The following WWOX variants were observed in gnomAD, a reference collection of about 807,000 sequenced individuals.
The protein encoded by WWOX is WW domain containing oxidoreductase, also known as WW domain-containing oxidoreductase.
WWOX carries 69 observed loss-of-function variants against 46.2 expected under a neutral mutation model. The observed-to-expected ratio is 1.49, with a 90% CI of 1.23 to 1.82. The LOEUF (loss-of-function observed/expected upper bound fraction) is 1.82, where lower values mean the gene tolerates loss of function less well. Ranked by LOEUF, WWOX falls within the 40% of genes most tolerant of loss-of-function variation. The pLI is 0.00. For synonymous variants in WWOX, 359 were observed against 202.6 expected (o/e 1.77, Z -6.56); for missense variants, 919 against 542.6 (o/e 1.69, Z -6.89).
intron 8 of WWOX, among the ~76,000 whole-genome samples, chr16:78,945,716 T>C (rs1169666959): frequency 6.6e-6 from 1 of 152,188 alleles, no homozygotes; most frequent in Non-Finnish European, 1.5e-5. Flanking sequence ...CTGCATTGTC[T>C]TGCTTCATTC....
chr16:78,699,068 C>A (rs1197321066), intron 8 of WWOX, among the ~76,000 whole-genome samples: 3 of 152,138 alleles, frequency 2.0e-5, no homozygotes, highest in Non-Finnish European at 4.4e-5. Context: ...GTGTGTGTTA[C>A]AACTGTTCAG....
At chr16:78,469,688 A>AC (rs1268786806) in intron 8 of WWOX, among the ~76,000 whole-genome samples, 1 of 152,162 alleles carries the variant, frequency 6.6e-6, no homozygotes, top group African/African-American at 2.4e-5. Context: ...TTCTGCTTAC[A>AC]CCATGGACAA....
intron 8 of WWOX, among the ~76,000 whole-genome samples, chr16:78,711,903 C>G (rs991190822): frequency 1.3e-5 from 2 of 152,094 alleles, no homozygotes; most frequent in Non-Finnish European, 2.9e-5. Context: ...TAAATTAATC[C>G]AAATTCAGAA....
chr16:78,750,132 T>C (rs2049441452), intron 8 of WWOX, among the ~76,000 whole-genome samples: 1 of 152,112 alleles, frequency 6.6e-6, no homozygotes, highest in Non-Finnish European at 1.5e-5. Context: ...GAAATGAAAA[T>C]AAAATAGTGA....
At chr16:79,101,191 C>G (rs529940164) in intron 8 of WWOX, 1 of 152,290 alleles carries the variant, frequency 6.6e-6, no homozygotes, top group East Asian at 1.9e-4. Flanking sequence ...GGACCTCATG[C>G]AAAGAGAGAT....
intron 8 of WWOX, among the ~76,000 whole-genome samples, chr16:78,555,168 T>TAA (rs10635594): frequency 0.43 from 55,018 of 128,168 alleles, 13,706 homozygotes; most frequent in Non-Finnish European, 0.54. Flanking sequence ...TATGATTTTG[T>TAA]AAAAAAAAAA....
chr16:78,503,203 A>G (rs1597177102), intron 8 of WWOX, among the ~76,000 whole-genome samples: 1 of 152,154 alleles, frequency 6.6e-6, no homozygotes, highest in South Asian at 2.1e-4. Flanking sequence ...GCTGCTTATC[A>G]GAGGTGCATG....
intron 8 of WWOX, among the ~76,000 whole-genome samples, chr16:79,137,274 A>G (rs1463626738): frequency 6.6e-6 from 1 of 152,244 alleles, no homozygotes; most frequent in Non-Finnish European, 1.5e-5. Flanking sequence ...CTTTTAGAAG[A>G]AAATGATGGT....
chr16:78,753,801 C>CAAAAAAAA (rs869066028), intron 8 of WWOX, among the ~76,000 whole-genome samples: 4 of 29,140 alleles, frequency 1.4e-4, no homozygotes, highest in African/African-American at 2.8e-4. Context: ...GACCCTATAT[C>CAAAAAAAA]AAAAAAAAAA....
chr16:78,905,533 C>T (rs1160834081), intron 8 of WWOX, among the ~76,000 whole-genome samples: 1 of 152,080 alleles, frequency 6.6e-6, no homozygotes, highest in African/African-American at 2.4e-5. Flanking sequence ...AGGCATGTTC[C>T]ACCACACCTA....
chr16:78,743,872 G>A (rs1225244699), intron 8 of WWOX, among the ~76,000 whole-genome samples: 3 of 152,068 alleles, frequency 2.0e-5, no homozygotes, highest in Admixed American at 1.3e-4. Context: ...ACCTCTATAG[G>A]GTATTTAAAC....
At chr16:78,735,944 C>A (rs2049081924) in intron 8 of WWOX, among the ~76,000 whole-genome samples, 1 of 152,030 alleles carries the variant, frequency 6.6e-6, no homozygotes, top group Non-Finnish European at 1.5e-5. Context: ...ATAGGTGGGC[C>A]TTCCCAATTT....
intron 8 of WWOX, among the ~76,000 whole-genome samples, chr16:78,970,159 A>C (rs1227596913): frequency 6.6e-6 from 1 of 152,134 alleles, no homozygotes; most frequent in Non-Finnish European, 1.5e-5. Context: ...TGGGCCTGTC[A>C]CCTCTACCCC....
At chr16:78,800,963 G>C (rs1053271931) in intron 8 of WWOX, among the ~76,000 whole-genome samples, 4 of 145,002 alleles carry the variant, frequency 2.8e-5, no homozygotes, top group African/African-American at 1.0e-4. Context: ...GAAAAAAAAA[G>C]TGAGCATAAA....
intron 8 of WWOX, among the ~76,000 whole-genome samples, chr16:78,870,254 T>G (rs1190945362): frequency 1.3e-5 from 2 of 152,218 alleles, no homozygotes; most frequent in Non-Finnish European, 2.9e-5. Flanking sequence ...CTGTTTTGCT[T>G]GATGACAATG....
At chr16:78,111,403 C>G (rs191011728) in intron 3 of WWOX, among the ~76,000 whole-genome samples, 1 of 152,260 alleles carries the variant, frequency 6.6e-6, no homozygotes, top group African/African-American at 2.4e-5. Flanking sequence ...CTAGGAATAA[C>G]TGGCATGTAT....
chr16:78,133,136 A>G (rs1297276105), intron 4 of WWOX, among the ~76,000 whole-genome samples: 2 of 152,260 alleles, frequency 1.3e-5, no homozygotes, highest in Non-Finnish European at 2.9e-5. Context: ...ATTACTGGTT[A>G]TAAAGCTAGT....
Position 78,919,154 on chromosome 16 carries a change from C to T in WWOX, c.1057-292454C>T, listed in dbSNP as rs148462017. On this transcript the variant is annotated intron_variant, in intron 8 of 8. Coordinates refer to ENST00000566780, the MANE Select transcript of WWOX (RefSeq NM_016373.4). ...ACGGAACAATGACCGCAATAACCAACATACTTTGAGTAACTATTACATGCA... is the reference window on the plus strand; with the variant it reads ...ACGGAACAATGACCGCAATAACCAATATACTTTGAGTAACTATTACATGCA... Among the ~76,000 whole-genome samples, 1,054 of 152,248 alleles carry T rather than the reference C, an allele frequency of 6.9e-3. 10 individuals are homozygous for T. The highest frequency in any genetic ancestry group is 0.024 in the African/African-American group (1,018 of 41,554).
chr16:78,544,657 G>C (rs773734304), intron 8 of WWOX, among the ~76,000 whole-genome samples: 2 of 152,164 alleles, frequency 1.3e-5, no homozygotes, highest in Non-Finnish European at 2.9e-5. Context: ...AGGATAACTT[G>C]AGTCCGGGAG....
Sources: allele counts gnomAD v4.1 joint callset (sites outside exome capture counted in the v4.1 genomes callset), GRCh38; gene constraint gnomAD v4.1.1; transcripts MANE v1.5; gene names NCBI Gene and HGNC (gene_info 2026-07-23, HGNC 2026-07-21).